Variants in ZBTB7C observed in about 807,000 individuals in gnomAD.
ZBTB7C encodes the protein zinc finger and BTB domain-containing protein 7C.
A neutral mutation model predicts 25.7 loss-of-function variants in ZBTB7C; 8 were observed. That is an observed-to-expected ratio of 0.31 (90% CI 0.18 to 0.56). The LOEUF is 0.56. ZBTB7C is among the 20% of genes least tolerant of loss of function. The pLI, the probability that ZBTB7C is intolerant of heterozygous loss-of-function variation, is 0.91. For synonymous variants in ZBTB7C, 394 were observed against 369.0 expected, an observed-to-expected ratio of 1.07 and a Z score of -0.78; for missense variants, 824 against 855.2, an observed-to-expected ratio of 0.96 and a Z score of 0.46.
chr18:48,188,327 G>A (rs1165731550), intron 2 of ZBTB7C, among the ~76,000 whole-genome samples: 1 of 152,204 alleles, frequency 6.6e-6, no homozygotes, highest in African/African-American at 2.4e-5. Context: ...TCATGGTGGA[G>A]GGGGAAGCAA....
intron 2 of ZBTB7C, among the ~76,000 whole-genome samples, chr18:48,278,880 G>C (rs4940349): frequency 0.19 from 29,494 of 151,958 alleles, 3,695 homozygotes; most frequent in East Asian, 0.46. Context: ...GTCCCCTCAG[G>C]GACTGCAATG....
intron 2 of ZBTB7C, among the ~76,000 whole-genome samples, chr18:48,222,459 A>G (rs1239274288): frequency 6.6e-6 from 1 of 152,080 alleles, no homozygotes; most frequent in Non-Finnish European, 1.5e-5. Flanking sequence ...CCATATTTAT[A>G]CAATAGTCCT....
intron 1 of ZBTB7C, among the ~76,000 whole-genome samples, chr18:48,352,845 AGT>A (rs1052153758): frequency 1.3e-5 from 2 of 152,124 alleles, no homozygotes; most frequent in African/African-American, 4.8e-5. Flanking sequence ...TGGAAAGCAC[AGT>A]GTTCACTGTG....
At chr18:48,181,688 C>T (rs978326239) in intron 3 of ZBTB7C, among the ~76,000 whole-genome samples, 1 of 152,186 alleles carries the variant, frequency 6.6e-6, no homozygotes, top group Non-Finnish European at 1.5e-5. Flanking sequence ...CCTCGTCCAC[C>T]TTCTCAAGCC....
Position 48,217,661 on chromosome 18 carries a change from G to A in ZBTB7C, c.-78-31666C>T, listed in dbSNP as rs1262378708. Among the ~76,000 whole-genome samples the A allele has an allele frequency of 3.3e-5, 5 of 152,148 alleles. No homozygotes were observed. The East Asian group carries it at 7.7e-4, about 24-fold the overall frequency. On this transcript the variant is annotated intron_variant, in intron 2 of 4. Coordinates refer to ENST00000590800, the MANE Select transcript of ZBTB7C (RefSeq NM_001318841.2). ...TTCCTGGAAGATGAAAGCCCCCAGAGAGCCACACTCCCCGTGTAATCCCAT... is the reference window on the plus strand; with the variant it reads ...TTCCTGGAAGATGAAAGCCCCCAGAAAGCCACACTCCCCGTGTAATCCCAT...
Position 48,040,055 on chromosome 18 carries a change from G to A in ZBTB7C, c.1053C>T (p.Pro351=). The A allele has an allele frequency of 1.9e-6, 3 of 1,613,878 alleles. No homozygotes were observed. Among genetic ancestry groups the A allele is most frequent in the Non-Finnish European group, 1.7e-6 (2 of 1,179,862 alleles). ...GCTTCAGCTTGCGCTCTTCTACCAG[G>A]GGCCAGGGTGGGAAGAGGCCTCCCA... The part of the protein sequence containing the change: ...THLGGLFPPW[P]LVEERKLKPK... The change falls in exon 4 of 5, where the codon CCC becomes CCT. Residue 351 remains proline, a synonymous_variant. Coordinates refer to ENST00000590800, the MANE Select transcript of ZBTB7C (RefSeq NM_001318841.2).
At chr18:48,071,584 G>A (rs1216652980) in intron 3 of ZBTB7C, among the ~76,000 whole-genome samples, 1 of 152,186 alleles carries the variant, frequency 6.6e-6, no homozygotes, top group Non-Finnish European at 1.5e-5. Flanking sequence ...CGCTAGGGAG[G>A]TTCCTCAAAA....
chr18:48,246,505 C>T (rs2043699634), intron 2 of ZBTB7C, among the ~76,000 whole-genome samples: 1 of 151,244 alleles, frequency 6.6e-6, no homozygotes, highest in Non-Finnish European at 1.5e-5. Context: ...ATTGTATACA[C>T]CTGTTACTTA....
intron 2 of ZBTB7C, among the ~76,000 whole-genome samples, chr18:48,231,225 C>T (rs999486707): frequency 6.6e-6 from 1 of 152,140 alleles, no homozygotes; most frequent in Non-Finnish European, 1.5e-5. Context: ...GCCTGGGGGC[C>T]AGGCTGCCAT....
intron 1 of ZBTB7C, among the ~76,000 whole-genome samples, chr18:48,355,512 C>T (rs1419521322): frequency 6.6e-6 from 1 of 152,134 alleles, no homozygotes; most frequent in Non-Finnish European, 1.5e-5. Flanking sequence ...TCCTGCCCCT[C>T]CTAGGAACCC....
intron 3 of ZBTB7C, among the ~76,000 whole-genome samples, chr18:48,107,881 C>T (rs1218316838): frequency 6.6e-6 from 1 of 152,166 alleles, no homozygotes; most frequent in Non-Finnish European, 1.5e-5. Context: ...AGAGTAGCTG[C>T]AGAGCCATGA....
At chr18:48,268,464 G>A (rs1279779306) in intron 2 of ZBTB7C, among the ~76,000 whole-genome samples, 2 of 152,212 alleles carry the variant, frequency 1.3e-5, no homozygotes, top group African/African-American at 4.8e-5. Context: ...AACTTGATTA[G>A]ACATCAAGGG....
At chr18:48,346,126 A>C (rs1343738945) in intron 1 of ZBTB7C, among the ~76,000 whole-genome samples, 2 of 152,196 alleles carry the variant, frequency 1.3e-5, no homozygotes, top group African/African-American at 4.8e-5. Context: ...CTTCCTCACC[A>C]TGTTGGCCAG....
intron 3 of ZBTB7C, among the ~76,000 whole-genome samples, chr18:48,083,007 T>C (rs1316515871): frequency 6.6e-6 from 1 of 152,154 alleles, no homozygotes; most frequent in Non-Finnish European, 1.5e-5. Flanking sequence ...AATCTAGGTA[T>C]TGGGAGACAT....
chr18:48,035,346 T>G (rs2035926596), intron 4 of ZBTB7C, among the ~76,000 whole-genome samples: 1 of 152,358 alleles, frequency 6.6e-6, no homozygotes, highest in Non-Finnish European at 1.5e-5. Flanking sequence ...TTTTGCAGTT[T>G]CTTGCCTTCA....
intron 2 of ZBTB7C, among the ~76,000 whole-genome samples, chr18:48,203,957 G>T (rs144395087): frequency 2.0e-5 from 3 of 152,308 alleles, no homozygotes; most frequent in Non-Finnish European, 4.4e-5. Context: ...AGTGACAGCT[G>T]TTAAGCCATC....
At chr18:48,096,069 G>T (rs1312886760) in intron 3 of ZBTB7C, among the ~76,000 whole-genome samples, 2 of 152,204 alleles carry the variant, frequency 1.3e-5, no homozygotes, top group African/African-American at 4.8e-5. Context: ...CGTTATCGGG[G>T]GCTCAGGTTC....
chr18:48,321,444 G>T (rs897140054), intron 2 of ZBTB7C, among the ~76,000 whole-genome samples: 1 of 152,132 alleles, frequency 6.6e-6, no homozygotes, highest in African/African-American at 2.4e-5. Flanking sequence ...CTTTTTGCAG[G>T]ACCGCCTCGC....
At chr18:48,216,571 C>T (rs892103389) in intron 2 of ZBTB7C, among the ~76,000 whole-genome samples, 2 of 152,222 alleles carry the variant, frequency 1.3e-5, no homozygotes, top group East Asian at 3.9e-4. Flanking sequence ...CCTGGGTCTC[C>T]GGGCCAGACA....
Sources: allele counts gnomAD v4.1 joint callset (sites outside exome capture counted in the v4.1 genomes callset), GRCh38; gene constraint gnomAD v4.1.1; transcripts MANE v1.5; gene names NCBI Gene and HGNC (gene_info 2026-07-23, HGNC 2026-07-21).